The following PFKP variants were observed in gnomAD, a reference collection of about 807,000 sequenced individuals.
PFKP encodes the protein ATP-dependent 6-phosphofructokinase, platelet type.
In PFKP, 101 loss-of-function variants were observed where a neutral mutation model predicts 94.3. The observed-to-expected ratio is 1.07, with a 90% CI of 0.91 to 1.26. The LOEUF (loss-of-function observed/expected upper bound fraction) is 1.26, where lower values mean the gene tolerates loss of function less well. Ranked by LOEUF, PFKP falls within the 50% of genes most tolerant of loss-of-function variation. The probability of loss-of-function intolerance (pLI) is 0.00; values close to 1 mark genes in which losing one functional copy is unlikely to be tolerated. For synonymous variants in PFKP, 573 were observed against 432.6 expected, an observed-to-expected ratio of 1.32 and a Z score of -4.03; for missense variants, 1,145 against 1,103.3, an observed-to-expected ratio of 1.04 and a Z score of -0.53.
intron 3 of PFKP, among the ~76,000 whole-genome samples, chr10:3,099,952 G>A (rs1834822596): frequency 1.3e-5 from 2 of 151,650 alleles, no homozygotes; most frequent in Admixed American, 6.6e-5. Context: ...TGTATGTGTG[G>A]TGTGCCCGTG....
intron 3 of PFKP, among the ~76,000 whole-genome samples, chr10:3,100,497 T>C (rs889802667): frequency 6.6e-6 from 1 of 152,190 alleles, no homozygotes; most frequent in African/African-American, 2.4e-5. Context: ...GAAAATGAGC[T>C]GTGTGCGTGC....
intron 19 of PFKP, among the ~76,000 whole-genome samples, chr10:3,133,763 T>G (rs914424059): frequency 1.3e-5 from 2 of 152,200 alleles, no homozygotes; most frequent in African/African-American, 4.8e-5. Context: ...ATGCCAAACA[T>G]CACCAGCTTT....
chr10:3,077,330 C>T (rs1397470828), intron 1 of PFKP, among the ~76,000 whole-genome samples: 1 of 128,364 alleles, frequency 7.8e-6, no homozygotes, highest in Non-Finnish European at 1.6e-5. Flanking sequence ...GGCGCAATCT[C>T]GGCTCACTGC....
At chr10:3,102,109 G>GGT (rs1835059926) in intron 4 of PFKP, among the ~76,000 whole-genome samples, 2 of 150,358 alleles carry the variant, frequency 1.3e-5, no homozygotes, top group African/African-American at 4.9e-5. Flanking sequence ...AAATTAGCCG[G>GGT]GCGTAGTGGC....
At position 3,081,977 on chromosome 10, in the gene PFKP, C is replaced by CT. The variant is rs547880338; in HGVS notation, c.113-379dup. 6.9e-4 allele frequency among the ~76,000 whole-genome samples: 47 copies of CT among 68,424 alleles called. 2 individuals are homozygous for CT. Among genetic ancestry groups the CT allele is most frequent in the African/African-American group, 2.9e-3 (43 of 14,930 alleles). The allele number at this position is 68,424 out of a possible 152,430, so 44.9% of individuals were successfully genotyped here. ...CTTGTTTTCTGTTGAAGCCCATTGC[C>CT]TTTTTTTTTTTTTTTTTTTTTTTTT... On this transcript the variant is annotated intron_variant, in intron 1 of 21. Transcript: ENST00000381125.
intron 13 of PFKP, among the ~76,000 whole-genome samples, chr10:3,114,903 C>G (rs1272423479): frequency 6.6e-6 from 1 of 152,198 alleles, no homozygotes; most frequent in South Asian, 2.1e-4. Flanking sequence ...CTAAAGGGAC[C>G]CGCTGCTGTT....
Position 3,112,271 on chromosome 10 carries a change from T to A in PFKP, c.1139T>A (p.Val380Asp). The change falls in exon 11 of 22, where the codon GTT becomes GAT. Residue 380 changes from valine (V) to aspartate (D), a missense_variant. Physicochemically the swap from Val to Asp is radical, Grantham distance 152. This residue lies in a region of PFKP where 1,119 missense variants were observed against 1,062.8 expected (regional missense o/e 1.05). Coordinates refer to ENST00000381125, the MANE Select transcript of PFKP (RefSeq NM_002627.5). The part of the protein sequence containing the change: ...AMDERRFQDA[V>D]RLRGRSFAGN... ...GACGAGAGGAGATTTCAAGATGCGGTTCGACTCCGAGGGAGGTGAGGTGCT... is the reference window on the plus strand; with the variant it reads ...GACGAGAGGAGATTTCAAGATGCGGATCGACTCCGAGGGAGGTGAGGTGCT... 6.2e-7 allele frequency: 1 copy of A among 1,613,566 alleles called. No individual in the cohort carries two copies. Among genetic ancestry groups the A allele is most frequent in the Non-Finnish European group, 8.5e-7 (1 of 1,179,462 alleles).
intron 2 of PFKP, 63 bp downstream of exon 2, chr10:3,082,524 C>A: frequency 8.3e-7 from 1 of 1,211,500 alleles, no homozygotes; most frequent in Non-Finnish European, 1.2e-6. Flanking sequence ...CTGCAGTCAC[C>A]GGCGCTCGCT....
intron 14 of PFKP, 85 bp from the exon 15 acceptor site, chr10:3,118,697 C>A: frequency 1.1e-6 from 1 of 880,406 alleles, no homozygotes; most frequent in Admixed American, 2.0e-5. Context: ...CTGGGGAAGG[C>A]GGCCGGGTGG....
At position 3,129,585 on chromosome 10, in the gene PFKP, G is replaced by A. The variant is rs1221973582; in HGVS notation, c.1684-234G>A. The A allele has an allele frequency of 1.3e-5, 7 of 518,904 alleles. No individual in the cohort carries two copies. The Admixed American group carries it at 2.6e-4, about 19-fold the overall frequency. The allele number at this position is 518,904 out of a possible 1,614,324, so 32.1% of individuals were successfully genotyped here. On this transcript the variant is annotated intron_variant, in intron 16 of 21. Coordinates refer to ENST00000381125, the MANE Select transcript of PFKP (RefSeq NM_002627.5). ...GGCAGATGGCCAGGCCCCCAAAACG[G>A]GACATCGAGGTCACCTCCAGGTGGC... is the stretch of plus-strand genomic sequence containing the variant.
At chr10:3,134,623 G>A (rs772451435) in intron 20 of PFKP, 41 bp downstream of exon 20, 3 of 1,295,950 alleles carry the variant, frequency 2.3e-6, no homozygotes, top group East Asian at 4.6e-5. Flanking sequence ...TCGTGATGCA[G>A]GCCGTCCTGC....
chr10:3,101,116 G>A (rs1834956428), intron 3 of PFKP: 16 of 892,352 alleles, frequency 1.8e-5, no homozygotes, highest in Non-Finnish European at 2.4e-5. Context: ...ACTGCTGGCT[G>A]CCGTGTGTCT....
chr10:3,118,755 C>T (rs751827794), intron 14 of PFKP, 27 bp from the exon 15 acceptor site: 2 of 1,575,146 alleles, frequency 1.3e-6, no homozygotes, highest in Non-Finnish European at 1.7e-6. Context: ...GGGTGTCTGA[C>T]ATCGTTCTCC....
chr10:3,080,547 A>G (rs1422336276), intron 1 of PFKP, among the ~76,000 whole-genome samples: 3 of 147,466 alleles, frequency 2.0e-5, no homozygotes, highest in Non-Finnish European at 3.0e-5. Context: ...AAAAGAGAAT[A>G]TTGAAACTGG....
chr10:3,103,634 T>C (rs1835235488), intron 4 of PFKP, 145 bp from the exon 5 acceptor site: 2 of 809,880 alleles, frequency 2.5e-6, no homozygotes, highest in Non-Finnish European at 2.0e-6. Context: ...CTCAGAAAAA[T>C]GATAATAAAG....
intron 1 of PFKP, among the ~76,000 whole-genome samples, chr10:3,067,968 G>A (rs1018197319): frequency 6.6e-6 from 1 of 152,224 alleles, no homozygotes; most frequent in African/African-American, 2.4e-5. Flanking sequence ...TCCTTGCCCG[G>A]TGGGGCGGGG....
chr10:3,087,984 C>CTT (rs1224829610), intron 2 of PFKP, among the ~76,000 whole-genome samples: 3,089 of 96,338 alleles, frequency 0.032, 117 homozygotes, highest in African/African-American at 0.074. Flanking sequence ...ATCTTTCATT[C>CTT]TTTTTTTTTT....
intron 1 of PFKP, among the ~76,000 whole-genome samples, chr10:3,075,147 T>C (rs1274596408): frequency 6.6e-6 from 1 of 152,244 alleles, no homozygotes; most frequent in Non-Finnish European, 1.5e-5. Context: ...TAAGAATGCC[T>C]TTAAGCAGTT....
intron 3 of PFKP, among the ~76,000 whole-genome samples, chr10:3,099,554 T>A (rs915942536): frequency 1.3e-5 from 2 of 152,230 alleles, no homozygotes. Flanking sequence ...TACTTGTTAA[T>A]AGAAATAATC....
Sources: gnomAD v4.1 joint callset for allele counts (sites outside exome capture counted in the v4.1 genomes callset) on GRCh38, gnomAD v4.1.1 for gene constraint, gnomAD v4.1.1 regional missense constraint, MANE v1.5 for transcripts, NCBI Gene and HGNC (gene_info 2026-07-23, HGNC 2026-07-21) for gene names.